Variants in GPN1 observed in about 807,000 individuals in gnomAD.
The protein encoded by GPN1 is ATP(GTP)-binding protein.
GPN1 carries 44 observed loss-of-function variants against 55.9 expected under a neutral mutation model. The observed-to-expected ratio is 0.79, with a 90% CI of 0.62 to 1.01. GPN1 has a LOEUF of 1.01. GPN1 is among the 50% of genes least tolerant of loss of function. The pLI is 0.00. For missense variants in GPN1, 466 were observed against 462.8 expected (o/e 1.01, Z -0.06); for synonymous variants, 179 against 162.5 (o/e 1.10, Z -0.77).
rs777170740 is a variant in GPN1 at position 27,638,222 on chromosome 2, A to G, written c.537A>G (p.Lys179=). The stretch of plus-strand genomic sequence containing the variant: ...GTTTGGTTTTCAGCATCTTATACAA[A>G]ACCAAGCTGCCTTTCATTGTGGTCA... ...NMLYACSILY[K]TKLPFIVVMN... Residue 179 remains lysine (K), a synonymous_variant, in exon 8 of 14, where the codon AAA becomes AAG. Coordinates refer to ENST00000610189, the MANE Select transcript of GPN1 (RefSeq NM_007266.4). 1 of 1,571,788 alleles carries G rather than the reference A, an allele frequency of 6.4e-7. No individual in the cohort carries two copies. The highest frequency in any genetic ancestry group is 8.8e-7 in the Non-Finnish European group (1 of 1,141,594).
In GPN1 at chr2:27,639,168, T is replaced by C. The variant is rs80113611; in HGVS notation, c.717+137T>C. 7.8e-3 allele frequency: 5,282 copies of C among 678,148 alleles called. 214 individuals are homozygous for C. In the African/African-American group the frequency reaches 0.085, roughly 11 times the overall value. 42.0% of individuals were successfully genotyped at this position (678,148 alleles called of 1,614,324 possible). A position where few individuals can be genotyped will look rare whatever the true frequency, so the allele number is the denominator to read the frequency against. ...CTTTTAAAGCATTGCTTATTAAAAA[T>C]TGTGGAGTGTACAAGAAGAATAAGA... On this transcript the variant is annotated intron_variant, in intron 9 of 13. Coordinates refer to ENST00000610189, the MANE Select transcript of GPN1 (RefSeq NM_007266.4).
intron 12 of GPN1, 63 bp from the exon 13 acceptor site, chr2:27,647,773 T>C (rs1674309523): frequency 1.1e-5 from 10 of 912,722 alleles, no homozygotes; most frequent in Non-Finnish European, 5.4e-6. Flanking sequence ...TGATCATAGT[T>C]ACTTAGTGAT....
chr2:27,648,404 A>G (rs1026593712), intron 13 of GPN1, among the ~76,000 whole-genome samples: 2 of 152,012 alleles, frequency 1.3e-5, no homozygotes, highest in Admixed American at 1.3e-4. Context: ...CTGTAGTTCA[A>G]GCTGTTTGGG....
At chr2:27,641,354 C>A in intron 11 of GPN1, 75 bp downstream of exon 11, 1 of 1,060,758 alleles carries the variant, frequency 9.4e-7, no homozygotes, top group Admixed American at 2.0e-5. Flanking sequence ...GACATAAGTG[C>A]TTTTGTTTTG....
In GPN1 at chr2:27,629,936, C is replaced by A; in HGVS notation, c.189C>A (p.Pro63=). The A allele has an allele frequency of 6.3e-7, 1 of 1,589,158 alleles. No individual in the cohort carries two copies. The highest frequency in any genetic ancestry group is 8.6e-7 in the Non-Finnish European group (1 of 1,157,188). The change falls in exon 2 of 14, where the codon CCC becomes CCA. Residue 63 remains proline, a synonymous_variant. Transcript: ENST00000610189. ...TGGATCCAGCAGTACATGAAGTTCC[C>A]TTTCCTGCCAATATTGGTGAGTAAA... The part of the protein sequence containing the change: ...INLDPAVHEV[P]FPANIDIRDT...
At chr2:27,638,163 A>T (rs1172589261) in intron 7 of GPN1, 47 bp from the exon 8 acceptor site, 2 of 1,005,754 alleles carry the variant, frequency 2.0e-6, no homozygotes, top group Admixed American at 3.4e-5. Flanking sequence ...TGGATGAGCA[A>T]GAGCTTATGT....
chr2:27,635,280 CT>C (rs1558487403), intron 7 of GPN1, 46 bp downstream of exon 7: 2 of 790,964 alleles, frequency 2.5e-6, no homozygotes, highest in East Asian at 2.8e-5. Flanking sequence ...GGTATAAGGC[CT>C]TTTTCTCTTC....
Position 27,642,422 on chromosome 2 carries a change from T to C in GPN1, c.841-7T>C. On this transcript the variant is annotated splice_region_variant and splice_polypyrimidine_tract_variant and intron_variant, in intron 11 of 13. Coordinates refer to ENST00000610189, the MANE Select transcript of GPN1 (RefSeq NM_007266.4). ...GAATATGATGACATTTTTCTCTGTA[T>C]ATACAGGCCAACGCAGAGAGCCAAC... The C allele has an allele frequency of 6.3e-7, 1 of 1,591,120 alleles. No homozygotes were observed. The highest frequency in any genetic ancestry group is 8.6e-7 in the Non-Finnish European group (1 of 1,159,388).
intron 11 of GPN1, 184 bp from the exon 12 acceptor site, chr2:27,642,245 A>C (rs1673986101): frequency 1.8e-6 from 1 of 555,666 alleles, no homozygotes; most frequent in Middle Eastern, 4.1e-4. Flanking sequence ...CTCCAGTCTA[A>C]ACTTCTGCAG....
intron 5 of GPN1, among the ~76,000 whole-genome samples, chr2:27,633,188 A>C (rs1014157190): frequency 2.0e-5 from 3 of 152,244 alleles, no homozygotes; most frequent in Non-Finnish European, 2.9e-5. Context: ...TGAAACCATC[A>C]CCCCGATTCC....
chr2:27,638,349 G>A (rs1558488595), intron 8 of GPN1, 94 bp downstream of exon 8: 2 of 728,684 alleles, frequency 2.7e-6, no homozygotes, highest in Non-Finnish European at 4.9e-6. Flanking sequence ...TTCAGATGCT[G>A]GAGACCAGAT....
chr2:27,628,423 T>A, upstream of GPN1: 1 of 1,551,564 alleles, frequency 6.4e-7, no homozygotes, highest in Non-Finnish European at 8.7e-7. Flanking sequence ...ATCCTGAAGG[T>A]CACGGCAACT....
intron 7 of GPN1, among the ~76,000 whole-genome samples, chr2:27,637,653 T>A (rs1450355111): frequency 6.6e-6 from 1 of 152,212 alleles, no homozygotes; most frequent in East Asian, 1.9e-4. Context: ...ATAATACTTA[T>A]GAAAGTGCTT....
At chr2:27,637,313 C>T (rs914569730) in intron 7 of GPN1, among the ~76,000 whole-genome samples, 8 of 152,054 alleles carry the variant, frequency 5.3e-5, no homozygotes, top group African/African-American at 1.9e-4. Context: ...TCCTAATCGT[C>T]TTCACTTTGA....
chr2:27,631,453 C>T (rs758123775), intron 3 of GPN1: 31 of 411,866 alleles, frequency 7.5e-5, no homozygotes, highest in African/African-American at 2.2e-4. Context: ...GTACTCTCTC[C>T]GTAGGCAAGT....
chr2:27,649,967 A>G, intron 13 of GPN1, 148 bp from the exon 14 acceptor site: 1 of 540,226 alleles, frequency 1.9e-6, no homozygotes, highest in Non-Finnish European at 3.4e-6. Context: ...ATGATAGAGC[A>G]TGCTTCTAGG....
At chr2:27,649,845 A>G (rs2148097195) in intron 13 of GPN1, among the ~76,000 whole-genome samples, 1 of 152,314 alleles carries the variant, frequency 6.6e-6, no homozygotes, top group East Asian at 1.9e-4. Flanking sequence ...ATCTTTGTGT[A>G]GACGTATGTT....
chr2:27,650,073 T>C, intron 13 of GPN1, 42 bp from the exon 14 acceptor site: 1 of 1,074,364 alleles, frequency 9.3e-7, no homozygotes, highest in Non-Finnish European at 1.5e-6. Flanking sequence ...TCAGTTTGTC[T>C]AATGAAAGAG....
intron 13 of GPN1, among the ~76,000 whole-genome samples, chr2:27,649,342 T>C (rs1010613747): frequency 2.6e-5 from 4 of 152,202 alleles, no homozygotes; most frequent in African/African-American, 9.6e-5. Flanking sequence ...TTCTTTAGGC[T>C]GGGTTTTACA....
Sources: gnomAD v4.1 joint callset for allele counts (sites outside exome capture counted in the v4.1 genomes callset) on GRCh38, gnomAD v4.1.1 for gene constraint, MANE v1.5 for transcripts, NCBI Gene and HGNC (gene_info 2026-07-23, HGNC 2026-07-21) for gene names.